CTSC: variants seen among roughly 807,000 people sequenced by gnomAD.
CTSC encodes the protein dipeptidyl peptidase 1.
A neutral mutation model predicts 40.9 loss-of-function variants in CTSC; 37 were observed. The ratio of observed to expected loss-of-function variants is 0.91; its 90% confidence interval spans 0.70 to 1.19. CTSC has a LOEUF of 1.19. Ranked by LOEUF, CTSC falls within the 50% of genes most tolerant of loss-of-function variation. The pLI is 0.00. For missense variants in CTSC, 594 were observed against 567.3 expected (o/e 1.05, Z -0.48); for synonymous variants, 232 against 207.4 (o/e 1.12, Z -1.02).
At chr11:88,315,090 G>C (rs1047248787) in intron 2 of CTSC, among the ~76,000 whole-genome samples, 1 of 152,118 alleles carries the variant, frequency 6.6e-6, no homozygotes, top group African/African-American at 2.4e-5. Flanking sequence ...TAACTTTATA[G>C]GATGCAACCT....
chr11:88,309,154 C>T lies in CTSC; in HGVS notation c.641+9G>A. On this transcript the variant is annotated intron_variant, in intron 4 of 6. Coordinates refer to ENST00000227266, the MANE Select transcript of CTSC (RefSeq NM_001814.6). ...ATTTTTATTAATGATAAAATGTGTGCTTGATTACCTTGGGATTTTTCGACT... is the reference window on the plus strand; with the variant it reads ...ATTTTTATTAATGATAAAATGTGTGTTTGATTACCTTGGGATTTTTCGACT... 1 of 1,612,550 alleles carries T rather than the reference C, an allele frequency of 6.2e-7. No homozygotes were observed. The highest frequency in any genetic ancestry group is 8.5e-7 in the Non-Finnish European group (1 of 1,178,724).
At chr11:88,317,670 C>T (rs969266560) in intron 2 of CTSC, among the ~76,000 whole-genome samples, 10 of 152,094 alleles carry the variant, frequency 6.6e-5, no homozygotes, top group African/African-American at 2.2e-4. Context: ...TGATTTCTGA[C>T]GTTGTATCAC....
At chr11:88,327,588 TTAAGAC>T (rs1938227428) in intron 2 of CTSC, among the ~76,000 whole-genome samples, 1 of 152,198 alleles carries the variant, frequency 6.6e-6, no homozygotes. Context: ...GAATAGTCTA[TTAAGAC>T]TATTTTAATA....
intron 4 of CTSC, among the ~76,000 whole-genome samples, chr11:88,300,855 C>T (rs1219294465): frequency 6.6e-6 from 1 of 151,798 alleles, no homozygotes; most frequent in Non-Finnish European, 1.5e-5. Context: ...TTTTCAGGAT[C>T]TAGTATTGAT....
intron 2 of CTSC, chr11:88,321,163 C>T (rs957905708): frequency 2.5e-5 from 11 of 434,482 alleles, no homozygotes; most frequent in Non-Finnish European, 3.1e-5. Flanking sequence ...TTTTAAGTTC[C>T]AGGGTACATG....
chr11:88,337,476 G>C, intron 1 of CTSC, 25 bp downstream of exon 1: 6 of 1,558,588 alleles, frequency 3.8e-6, no homozygotes, highest in Non-Finnish European at 5.2e-6. Context: ...GGACGACCCG[G>C]AGGACTGCCG....
intron 4 of CTSC, among the ~76,000 whole-genome samples, chr11:88,308,049 G>A (rs919472970): frequency 1.3e-5 from 2 of 152,212 alleles, no homozygotes; most frequent in African/African-American, 4.8e-5. Context: ...GGAACTGGGA[G>A]AGGTAGCGAC....
chr11:88,301,570 C>A (rs2134772550), intron 4 of CTSC, among the ~76,000 whole-genome samples: 1 of 152,218 alleles, frequency 6.6e-6, no homozygotes, highest in East Asian at 1.9e-4. Context: ...AACCTGGACA[C>A]CCTCAACCAG....
chr11:88,327,451 C>T (rs1020929263), intron 2 of CTSC, among the ~76,000 whole-genome samples: 2 of 152,202 alleles, frequency 1.3e-5, no homozygotes, highest in Admixed American at 6.5e-5. Context: ...TAATTTTACT[C>T]TCTAATCACC....
intron 2 of CTSC, chr11:88,326,291 T>C (rs1938184112): frequency 2.5e-6 from 4 of 1,604,074 alleles, no homozygotes; most frequent in Admixed American, 1.7e-5. Flanking sequence ...TGCATGCAAA[T>C]AAAGACTCCA....
At chr11:88,325,890 A>C (rs563329259) in intron 2 of CTSC, 81 of 988,370 alleles carry the variant, frequency 8.2e-5, no homozygotes, top group Non-Finnish European at 9.6e-5. Flanking sequence ...AAGAGATCCA[A>C]GGGCCTTATT....
chr11:88,319,793 T>A (rs937009394), intron 2 of CTSC, among the ~76,000 whole-genome samples: 1 of 152,162 alleles, frequency 6.6e-6, no homozygotes, highest in Non-Finnish European at 1.5e-5. Flanking sequence ...AATTTAGACA[T>A]CCAAGTCTAA....
intron 2 of CTSC, among the ~76,000 whole-genome samples, chr11:88,315,560 T>G (rs1005561152): frequency 1.3e-5 from 2 of 152,192 alleles, no homozygotes; most frequent in African/African-American, 4.8e-5. Context: ...TTATACATTG[T>G]CTATGGCTAC....
In CTSC at chr11:88,337,526, C is replaced by A. The variant is rs868356626; in HGVS notation, c.147G>T (p.Gln49His). 1 of 1,575,016 alleles carries A rather than the reference C, an allele frequency of 6.3e-7. No individual in the cohort carries two copies. The highest frequency in any genetic ancestry group is 8.6e-7 in the Non-Finnish European group (1 of 1,159,292). ...WVFQVGSSGS[Q>H]RDVNCSVMGP... ...CCATAACCGAGCAGTTGACATCGCG[C>A]TGGGAACCGCTGGAGCCCACCTGGA... The change falls in exon 1 of 7, where the codon CAG becomes CAT. Residue 49 changes from glutamine to histidine, a missense_variant. Gln to His is a conservative substitution (Grantham distance 24). Coordinates refer to ENST00000227266, the MANE Select transcript of CTSC (RefSeq NM_001814.6).
intron 2 of CTSC, among the ~76,000 whole-genome samples, chr11:88,315,554 A>G (rs1937856329): frequency 6.6e-6 from 1 of 152,232 alleles, no homozygotes; most frequent in East Asian, 1.9e-4. Flanking sequence ...ATTCATTTAT[A>G]CATTGTCTAT....
chr11:88,302,352 G>A (rs371444535), intron 4 of CTSC, among the ~76,000 whole-genome samples: 21 of 152,266 alleles, frequency 1.4e-4, no homozygotes, highest in South Asian at 8.3e-4. Flanking sequence ...GGGGCCAGGC[G>A]CGGTGGCTCA....
chr11:88,314,719 G>C (rs1026912511), intron 2 of CTSC, among the ~76,000 whole-genome samples: 1 of 152,088 alleles, frequency 6.6e-6, no homozygotes, highest in African/African-American at 2.4e-5. Context: ...GTAGAGATAG[G>C]GTTTCACCAT....
Position 88,316,500 on chromosome 11 carries a change from T to TAAATAAATAAATAAAA in CTSC, c.319-3947_319-3946insTTTTATTTATTTATTT, listed in dbSNP as rs879568972. Among the ~76,000 whole-genome samples, 114 of 151,864 alleles carry TAAATAAATAAATAAAA rather than the reference T, an allele frequency of 7.5e-4. 1 individual carries two copies. In the Middle Eastern group the frequency reaches 0.01, roughly 14 times the overall value. ...CTAAATAAATAAATAAATAAATAAA[T>TAAATAAATAAATAAAA]AAATGAAGCAGGGATGATAATTACA... On this transcript the variant is annotated intron_variant, in intron 2 of 6. Transcript: ENST00000227266.
chr11:88,301,215 C>A (rs1016472187), intron 4 of CTSC, among the ~76,000 whole-genome samples: 1 of 152,092 alleles, frequency 6.6e-6, no homozygotes, highest in Non-Finnish European at 1.5e-5. Flanking sequence ...GGCAGGAATG[C>A]GAAGGGCTTT....
Sources: allele counts gnomAD v4.1 joint callset (sites outside exome capture counted in the v4.1 genomes callset), GRCh38; gene constraint gnomAD v4.1.1; transcripts MANE v1.5; gene names NCBI Gene and HGNC (gene_info 2026-07-23, HGNC 2026-07-21).